EDDM13: variants seen among roughly 807,000 people sequenced by gnomAD.
EDDM13 encodes epididymal protein 13.
A neutral mutation model predicts 17.8 loss-of-function variants in EDDM13; 24 were observed. The ratio of observed to expected loss-of-function variants is 1.35; its 90% CI spans 0.98 to 1.90. The LOEUF (loss-of-function observed/expected upper bound fraction) is 1.90. EDDM13 is among the 40% of genes most tolerant of loss of function. EDDM13 has a pLI of 0.00. For synonymous variants in EDDM13, 31 were observed against 37.5 expected, an observed-to-expected ratio of 0.83 and a Z score of 0.63; for missense variants, 97 against 100.8, an observed-to-expected ratio of 0.96 and a Z score of 0.16.
intron 13 of EDDM13, among the ~76,000 whole-genome samples, chr19:56,304,224 C>T (rs925768090): frequency 6.6e-6 from 1 of 152,130 alleles, no homozygotes; most frequent in Non-Finnish European, 1.5e-5. Flanking sequence ...AGATGAGAGC[C>T]GTGCAGCAGT....
At chr19:56,302,541 CCCCGTT>C (rs2040351857) in intron 13 of EDDM13, among the ~76,000 whole-genome samples, 1 of 70,028 alleles carries the variant, frequency 1.4e-5, no homozygotes, top group Non-Finnish European at 3.4e-5. Flanking sequence ...TCTTCTTCCT[CCCCGTT>C]CCTCCCTCCC....
At chr19:56,310,103 C>T (rs1220295581) in intron 14 of EDDM13, 21 bp from the exon 15 acceptor site, 1 of 152,318 alleles carries the variant, frequency 6.6e-6, no homozygotes, top group Non-Finnish European at 1.5e-5. Flanking sequence ...TGCACAAATA[C>T]ATTTCTCTCT....
At chr19:56,275,323 C>CATAT (rs2038166483) in intron 1 of EDDM13, among the ~76,000 whole-genome samples, 1 of 152,064 alleles carries the variant, frequency 6.6e-6, no homozygotes, top group Non-Finnish European at 1.5e-5. Context: ...TTTCTATTCC[C>CATAT]CTTATTCATC....
chr19:56,282,164 G>A (rs996066140), intron 3 of EDDM13, among the ~76,000 whole-genome samples: 2 of 152,146 alleles, frequency 1.3e-5, no homozygotes, highest in Non-Finnish European at 2.9e-5. Context: ...GTCTCCGGTT[G>A]AGAAGTGGAG....
chr19:56,301,318 G>T (rs1002189913), intron 12 of EDDM13, among the ~76,000 whole-genome samples: 2 of 152,124 alleles, frequency 1.3e-5, no homozygotes, highest in Non-Finnish European at 2.9e-5. Context: ...ATTTCCTGGA[G>T]CTGAGGGTGC....
chr19:56,298,729 C>T (rs2040042882), intron 12 of EDDM13, among the ~76,000 whole-genome samples: 1 of 151,312 alleles, frequency 6.6e-6, no homozygotes, highest in Admixed American at 6.6e-5. Flanking sequence ...TTACCACACA[C>T]AAAAAAGTCT....
In EDDM13 at chr19:56,272,810, A is replaced by G. The variant is rs2037950911; in HGVS notation, c.-25A>G. The stretch of plus-strand genomic sequence containing the variant: ...GTCCTGTCTATCCTAGGAGGAGAAC[A>G]TTCAGCCCAAATCCCAGCCCCATCA... On this transcript the variant is annotated 5_prime_UTR_variant, in exon 1 of 15. Transcript: ENST00000649256. 1.0e-6 allele frequency: 1 copy of G among 956,342 alleles called. No individual in the cohort carries two copies. Among genetic ancestry groups the G allele is most frequent in the African/African-American group, 1.8e-5 (1 of 56,782 alleles). The allele number at this position is 956,342 out of a possible 1,614,324, so 59.2% of individuals were successfully genotyped here.
intron 9 of EDDM13, among the ~76,000 whole-genome samples, chr19:56,292,540 A>G (rs1600207205): frequency 6.7e-6 from 1 of 149,806 alleles, no homozygotes; most frequent in African/African-American, 2.5e-5. Context: ...CTCCTACCTC[A>G]GCCTCCCAAA....
intron 14 of EDDM13, among the ~76,000 whole-genome samples, chr19:56,309,305 G>C (rs2040886197): frequency 6.6e-6 from 1 of 151,142 alleles, no homozygotes; most frequent in African/African-American, 2.4e-5. Context: ...GGGGAGGAAG[G>C]AACAAGGGGA....
intron 3 of EDDM13, among the ~76,000 whole-genome samples, chr19:56,281,962 G>A (rs146295385): frequency 1.2e-4 from 19 of 152,322 alleles, no homozygotes; most frequent in African/African-American, 4.3e-4. Context: ...GAGAGAAAGA[G>A]AACCTGTGTG....
chr19:56,281,040 A>G (rs1047963434), intron 2 of EDDM13, among the ~76,000 whole-genome samples: 2 of 152,228 alleles, frequency 1.3e-5, no homozygotes, highest in African/African-American at 4.8e-5. Context: ...AAGACTTACT[A>G]ATAACATAAA....
chr19:56,295,547 A>G (rs1235428382), intron 9 of EDDM13, among the ~76,000 whole-genome samples: 1 of 152,124 alleles, frequency 6.6e-6, no homozygotes, highest in Non-Finnish European at 1.5e-5. Context: ...GTGAGCCGAG[A>G]TCGTCCCACT....
At chr19:56,279,849 GT>G (rs1403625767) in intron 2 of EDDM13, among the ~76,000 whole-genome samples, 1 of 151,810 alleles carries the variant, frequency 6.6e-6, no homozygotes, top group African/African-American at 2.4e-5. Context: ...TAATTAAAAT[GT>G]TTTATGTTAA....
At chr19:56,302,875 GC>G in intron 13 of EDDM13, 1 of 398,750 alleles carries the variant, frequency 2.5e-6, no homozygotes, top group Non-Finnish European at 4.4e-6. Flanking sequence ...GTTGCTGGTT[GC>G]TGGGGACTCT....
chr19:56,279,213 C>G (rs145755022), intron 2 of EDDM13, among the ~76,000 whole-genome samples: 1 of 152,300 alleles, frequency 6.6e-6, no homozygotes, highest in African/African-American at 2.4e-5. Flanking sequence ...CTCCCACCCC[C>G]ACCAAGTAGT....
At chr19:56,298,896 T>A (rs1190290617) in intron 12 of EDDM13, among the ~76,000 whole-genome samples, 1 of 152,168 alleles carries the variant, frequency 6.6e-6, no homozygotes, top group Non-Finnish European at 1.5e-5. Context: ...AAAGGAAAAT[T>A]TCAGGCCAAT....
At chr19:56,308,754 A>T (rs1028249473) in intron 14 of EDDM13, among the ~76,000 whole-genome samples, 2 of 152,184 alleles carry the variant, frequency 1.3e-5, no homozygotes, top group Non-Finnish European at 2.9e-5. Context: ...GATTCACCTA[A>T]GCAATGCTTT....
intron 12 of EDDM13, among the ~76,000 whole-genome samples, chr19:56,299,236 A>T (rs1049069886): frequency 2.0e-5 from 3 of 151,898 alleles, no homozygotes; most frequent in Non-Finnish European, 2.9e-5. Flanking sequence ...GGCTCAAGTG[A>T]TCCTCCCCTC....
chr19:56,302,806 CCTCT>C (rs1158293708), intron 13 of EDDM13: 1 of 398,426 alleles, frequency 2.5e-6, no homozygotes, highest in Non-Finnish European at 4.4e-6. Flanking sequence ...ACTCATTCTG[CCTCT>C]CTCTCTGCCG....
Sources: gnomAD v4.1 joint callset for allele counts (sites outside exome capture counted in the v4.1 genomes callset) on GRCh38, gnomAD v4.1.1 for gene constraint, MANE v1.5 for transcripts, NCBI Gene and HGNC (gene_info 2026-07-23, HGNC 2026-07-21) for gene names.